The following NCK2 variants were observed in gnomAD, a reference collection of about 807,000 sequenced individuals.
NCK2 encodes cytoplasmic protein NCK2.
In NCK2, 16 loss-of-function variants were observed where a neutral mutation model predicts 33.9. The ratio of observed to expected loss-of-function variants is 0.47; its 90% CI spans 0.32 to 0.72. The LOEUF is 0.72. NCK2 is among the 30% of genes least tolerant of loss of function. The probability of loss-of-function intolerance (pLI) is 0.03; values close to 1 mark genes in which losing one functional copy is unlikely to be tolerated. For synonymous variants in NCK2, 273 were observed against 239.9 expected (o/e 1.14, Z -1.27); for missense variants, 418 against 537.3 (o/e 0.78, Z 2.19).
At chr2:105,805,024 C>T (rs981007650) in intron 1 of NCK2, among the ~76,000 whole-genome samples, 1 of 152,212 alleles carries the variant, frequency 6.6e-6, no homozygotes, top group Non-Finnish European at 1.5e-5. Flanking sequence ...TTATCCAGAG[C>T]CTGCCATGGG....
intron 1 of NCK2, chr2:105,745,688 G>A (rs1182097773): frequency 6.6e-6 from 1 of 152,234 alleles, no homozygotes; most frequent in East Asian, 1.9e-4. Context: ...CGCGCACAAA[G>A]CTGCTGTCAC....
chr2:105,828,131 C>A (rs1676023296), intron 2 of NCK2, among the ~76,000 whole-genome samples: 3 of 152,108 alleles, frequency 2.0e-5, no homozygotes, highest in Admixed American at 6.5e-5. Context: ...GTTGAAAGAT[C>A]AACTCATTTC....
At chr2:105,860,131 T>C (rs1015980140) in intron 3 of NCK2, among the ~76,000 whole-genome samples, 25 of 151,920 alleles carry the variant, frequency 1.6e-4, no homozygotes, top group Non-Finnish European at 1.2e-4. Flanking sequence ...CAAAAAAATT[T>C]TTTAAAAAAT....
chr2:105,860,422 C>T (rs750476066), intron 3 of NCK2, among the ~76,000 whole-genome samples: 1 of 152,194 alleles, frequency 6.6e-6, no homozygotes, highest in Non-Finnish European at 1.5e-5. Context: ...GGACAGAGCC[C>T]CTGCTCTGGT....
chr2:105,781,662 T>C (rs1248895711), intron 1 of NCK2, among the ~76,000 whole-genome samples: 1 of 152,144 alleles, frequency 6.6e-6, no homozygotes, highest in East Asian at 1.9e-4. Context: ...TGTAAGGTAG[T>C]TGTTAGGTTT....
At chr2:105,820,495 C>T (rs1675685478) in intron 2 of NCK2, among the ~76,000 whole-genome samples, 1 of 152,136 alleles carries the variant, frequency 6.6e-6, no homozygotes, top group East Asian at 1.9e-4. Context: ...CCCATTTCCA[C>T]GTGGTGCATT....
At chr2:105,858,058 G>GT (rs70953539) in intron 3 of NCK2, among the ~76,000 whole-genome samples, 44,076 of 142,858 alleles carry the variant, frequency 0.31, 6,915 homozygotes, top group South Asian at 0.42. Context: ...TTTTTTTTTT[G>GT]TTTTTTTTTT....
At chr2:105,826,695 CCTT>C (rs1367708769) in intron 2 of NCK2, among the ~76,000 whole-genome samples, 7 of 152,162 alleles carry the variant, frequency 4.6e-5, no homozygotes, top group African/African-American at 1.7e-4. Context: ...CTCACAGTAT[CCTT>C]CTCTCTCAAT....
chr2:105,774,752 C>CA (rs1400439806), intron 1 of NCK2, among the ~76,000 whole-genome samples: 17 of 152,118 alleles, frequency 1.1e-4, no homozygotes, highest in Admixed American at 1.1e-3. Context: ...ATTTTTAACT[C>CA]ACGTTTATTT....
At chr2:105,846,524 C>T (rs905034595) in intron 2 of NCK2, 2 of 151,660 alleles carry the variant, frequency 1.3e-5, no homozygotes, top group African/African-American at 4.8e-5. Flanking sequence ...TGTAGATGAT[C>T]TTTATGATCA....
intron 1 of NCK2, among the ~76,000 whole-genome samples, chr2:105,762,127 G>A (rs1448156146): frequency 6.6e-6 from 1 of 152,218 alleles, no homozygotes; most frequent in South Asian, 2.1e-4. Flanking sequence ...GACAGAGTTT[G>A]TGGAATGCAC....
chr2:105,869,118 C>G (rs971218340), intron 3 of NCK2, among the ~76,000 whole-genome samples: 10 of 152,182 alleles, frequency 6.6e-5, no homozygotes, highest in African/African-American at 2.2e-4. Flanking sequence ...CAGTGCTCCC[C>G]CTAGCCTGTT....
intron 3 of NCK2, among the ~76,000 whole-genome samples, chr2:105,872,716 T>A (rs1346547405): frequency 1.3e-5 from 2 of 152,222 alleles, no homozygotes. Context: ...TAGTGTAAAT[T>A]CATGGCAGAG....
At chr2:105,843,718 G>A (rs542682224) in intron 2 of NCK2, among the ~76,000 whole-genome samples, 15 of 152,282 alleles carry the variant, frequency 9.9e-5, no homozygotes, top group East Asian at 5.8e-4. Context: ...TAAAATAGCC[G>A]TAAGATCACA....
At chr2:105,782,467 T>C (rs1690532496) in intron 1 of NCK2, among the ~76,000 whole-genome samples, 1 of 152,248 alleles carries the variant, frequency 6.6e-6, no homozygotes, top group Non-Finnish European at 1.5e-5. Context: ...GCTCTTTTCT[T>C]AAGTATTAAA....
At chr2:105,814,633 C>G (rs1469301584) in intron 1 of NCK2, among the ~76,000 whole-genome samples, 2 of 152,276 alleles carry the variant, frequency 1.3e-5, no homozygotes, top group East Asian at 3.9e-4. Flanking sequence ...TAGAGATGTG[C>G]AAAGCCCACT....
chr2:105,755,471 TCCATAAGAAGTAGGTTCTC>T (rs1266012265), intron 1 of NCK2, among the ~76,000 whole-genome samples: 7 of 152,204 alleles, frequency 4.6e-5, no homozygotes, highest in Admixed American at 2.6e-4. Context: ...GATTCCGTCT[TCCATAAGAAGTAGGTTCTC>T]CTTTCATGAG....
chr2:105,757,266 CT>C (rs757029352), intron 1 of NCK2, among the ~76,000 whole-genome samples: 1 of 152,184 alleles, frequency 6.6e-6, no homozygotes, highest in African/African-American at 2.4e-5. Context: ...TTCTGTGAAA[CT>C]AGGGGTTGCC....
intron 2 of NCK2, among the ~76,000 whole-genome samples, chr2:105,822,984 CG>C (rs1675800530): frequency 1.3e-5 from 2 of 151,874 alleles, no homozygotes; most frequent in African/African-American, 4.9e-5. Context: ...GGCCGTGTGG[CG>C]GATGTGTATG....
Sources: allele counts gnomAD v4.1 joint callset (sites outside exome capture counted in the v4.1 genomes callset), GRCh38; gene constraint gnomAD v4.1.1; transcripts MANE v1.5; gene names NCBI Gene and HGNC (gene_info 2026-07-23, HGNC 2026-07-21).